The following AFDN variants were observed in gnomAD, a reference collection of about 807,000 sequenced individuals.
AFDN encodes afadin, adherens junction formation factor, also known as afadin.
A neutral mutation model predicts 216.6 loss-of-function variants in AFDN; 68 were observed. The observed-to-expected ratio is 0.31, with a 90% CI of 0.26 to 0.38. The LOEUF is 0.38. Ranked by LOEUF, AFDN falls within the 10% of genes least tolerant of loss-of-function variation. The pLI is 1.00. For synonymous variants in AFDN, 868 were observed against 853.7 expected, an observed-to-expected ratio of 1.02 and a Z score of -0.29; for missense variants, 2,136 against 2,342.0, an observed-to-expected ratio of 0.91 and a Z score of 1.82.
chr6:167,849,320 G>T (rs1562548289), intron 1 of AFDN, among the ~76,000 whole-genome samples: 1 of 152,042 alleles, frequency 6.6e-6, no homozygotes, highest in Non-Finnish European at 1.5e-5. Flanking sequence ...CTTGTGGGGG[G>T]GGAGAGATTT....
At chr6:167,954,604 C>A in intron 30 of AFDN, 1 of 814,928 alleles carries the variant, frequency 1.2e-6, no homozygotes, top group Non-Finnish European at 1.9e-6. Context: ...TAGGGGTGTC[C>A]TCCATCAGGA....
chr6:167,947,175 A>AT (rs75948172), intron 27 of AFDN, among the ~76,000 whole-genome samples: 2,814 of 146,622 alleles, frequency 0.019, 47 homozygotes, highest in Non-Finnish European at 0.032. Flanking sequence ...TATGTTTTAC[A>AT]TTTTTTTTTT....
intron 19 of AFDN, 72 bp from the exon 20 acceptor site, chr6:167,917,014 ATAT>A: frequency 7.6e-7 from 1 of 1,308,796 alleles, no homozygotes; most frequent in Non-Finnish European, 1.0e-6. Flanking sequence ...ATTTTTATAA[ATAT>A]TACATAAAGG....
rs759098315 is a variant in AFDN at position 167,890,900 on chromosome 6, C to T, written c.1048C>T (p.His350Tyr). The change falls in exon 8 of 34, where the codon CAC becomes TAC. Residue 350 changes from histidine to tyrosine, a missense_variant. Physicochemically the swap from His to Tyr is moderately conservative, Grantham distance 83. Transcript: ENST00000683244. ...TCAGTTGAAGAGGAGGCCACCAGACCACATCCCAAAGAAAACCAAGAAACA... is the reference window on the plus strand; with the variant it reads ...TCAGTTGAAGAGGAGGCCACCAGACTACATCCCAAAGAAAACCAAGAAACA... ...VFQLKRRPPD[H>Y]IPKKTKKHLE... The T allele has an allele frequency of 5.6e-6, 9 of 1,613,522 alleles. No individual in the cohort carries two copies. Among genetic ancestry groups the T allele is most frequent in the Non-Finnish European group, 7.6e-6 (9 of 1,179,784 alleles).
intron 26 of AFDN, among the ~76,000 whole-genome samples, chr6:167,946,184 G>C (rs1319947528): frequency 2.0e-5 from 3 of 152,194 alleles, no homozygotes; most frequent in Non-Finnish European, 4.4e-5. Context: ...TTAGTTAGTG[G>C]TCATTTAAAA....
chr6:167,952,592 C>A, intron 30 of AFDN: 1 of 695,986 alleles, frequency 1.4e-6, no homozygotes, highest in Non-Finnish European at 1.8e-6. Flanking sequence ...GGGTCTCTGG[C>A]AACCCCCAGC....
rs558047565 is a variant in AFDN, at chr6:167,837,230, T to C, written c.105+9993T>C. Among the ~76,000 whole-genome samples the C allele has an allele frequency of 7.8e-4, 119 of 152,318 alleles. 2 individuals are homozygous for C. The highest frequency in any genetic ancestry group is 1.1e-3 in the Non-Finnish European group (72 of 68,018). The stretch of plus-strand genomic sequence containing the variant: ...GATTAGACATGAAGGAGCTAGTATG[T>C]TTGCTTCACTATAGTAAGATACATT... On this transcript the variant is annotated intron_variant, in intron 1 of 33. Transcript: ENST00000683244.
At chr6:167,906,208 A>G (rs1789666601) in intron 12 of AFDN, among the ~76,000 whole-genome samples, 1 of 152,236 alleles carries the variant, frequency 6.6e-6, no homozygotes, top group African/African-American at 2.4e-5. Context: ...AACATTTTAA[A>G]TGATGTAATA....
At chr6:167,909,479 T>G (rs1790120219) in intron 13 of AFDN, among the ~76,000 whole-genome samples, 1 of 152,142 alleles carries the variant, frequency 6.6e-6, no homozygotes, top group Non-Finnish European at 1.5e-5. Flanking sequence ...TTCCTTTTTA[T>G]TTTTGAAGGA....
Position 167,951,670 on chromosome 6 carries a change from G to C in AFDN, c.4316G>C (p.Arg1439Thr). 1 of 1,613,920 alleles carries C rather than the reference G, an allele frequency of 6.2e-7. No individual in the cohort carries two copies. Among genetic ancestry groups the C allele is most frequent in the Non-Finnish European group, 8.5e-7 (1 of 1,179,922 alleles). ...GCCCGCCTGGAGGAGGAGCGGGAGA[G>C]GAAGCGGAGAGAGCAGGAGAGGAAG... ...EKARLEEERE[R>T]KRREQERKLG... Residue 1439 changes from arginine to threonine, a missense_variant, in exon 30 of 34, where the codon AGG (arginine) becomes ACG (threonine). Around this residue, in one of 8 missense-constraint regions of AFDN, gnomAD observed 981 missense variants for 966.0 expected, o/e 1.02. Coordinates refer to ENST00000683244, the MANE Select transcript of AFDN (RefSeq NM_001386888.1). The surrounding 1 kb of genome is among the most constrained non-coding windows in gnomAD (Gnocchi z 7.1).
intron 1 of AFDN, among the ~76,000 whole-genome samples, chr6:167,847,522 G>A (rs1306930057): frequency 6.6e-6 from 1 of 152,142 alleles, no homozygotes; most frequent in East Asian, 1.9e-4. Flanking sequence ...TTAGTGAACA[G>A]CAGCTCACTT....
rs529307812 is a variant in AFDN at position 167,914,189 on chromosome 6, G to C, written c.2080G>C (p.Ala694Pro). The C allele has an allele frequency of 6.2e-7, 1 of 1,614,060 alleles. No homozygotes were observed. Among genetic ancestry groups the C allele is most frequent in the African/African-American group, 1.3e-5 (1 of 75,040 alleles). Residue 694 changes from alanine (A) to proline (P), a missense_variant, in exon 17 of 34, where the codon GCA becomes CCA. Ala to Pro is a conservative substitution (Grantham distance 27, BLOSUM62 -1). Around this residue, in one of 8 missense-constraint regions of AFDN, gnomAD observed 817 missense variants for 965.7 expected, o/e 0.85. Transcript: ENST00000683244. ...VDQKQKNIAG[A>P]LAFWMANASE... ...ACAGAAACAGAAGAATATTGCAGGG[G>C]CACTTGCCTTCTGGATGGCAAATGC... is the stretch of plus-strand genomic sequence containing the variant.
intron 25 of AFDN, 79 bp downstream of exon 25, chr6:167,943,554 TA>T: frequency 8.6e-7 from 1 of 1,164,394 alleles, no homozygotes; most frequent in Non-Finnish European, 1.3e-6. Flanking sequence ...AATTGGAAGA[TA>T]AAAACTATGC....
intron 15 of AFDN, 160 bp downstream of exon 15, chr6:167,911,649 TGAAAG>T (rs2128456852): frequency 3.1e-6 from 2 of 651,000 alleles, no homozygotes; most frequent in East Asian, 2.7e-5. Context: ...TTTAAAGAGT[TGAAAG>T]GAAATGCAAG....
chr6:167,880,881 C>A (rs1314525233), intron 6 of AFDN, among the ~76,000 whole-genome samples: 2 of 152,074 alleles, frequency 1.3e-5, no homozygotes, highest in Non-Finnish European at 1.5e-5. Context: ...ATTTATAAGT[C>A]TAAAATTATG....
Position 167,907,246 on chromosome 6 carries a change from A to G in AFDN, c.1726A>G (p.Ile576Val). ...CGAGCGGGGAATGGTGAAGCCGATG[A>G]TCAGAGTAGAACAGCAGCCAGATTA... ...TAERGMVKPM[I>V]RVEQQPDYRR... is the part of the protein sequence containing the mutation. Residue 576 changes from isoleucine (I) to valine (V), a missense_variant, in exon 13 of 34, where the codon ATC becomes GTC. Around this residue, in one of 8 missense-constraint regions of AFDN, gnomAD observed 817 missense variants for 965.7 expected, o/e 0.85. Coordinates refer to ENST00000683244, the MANE Select transcript of AFDN (RefSeq NM_001386888.1). The G allele has an allele frequency of 1.9e-6, 3 of 1,614,214 alleles. No individual in the cohort carries two copies. The South Asian group carries it at 3.3e-5, about 18-fold the overall frequency.
At chr6:167,895,974 G>A (rs1235991220) in intron 9 of AFDN, among the ~76,000 whole-genome samples, 2 of 152,106 alleles carry the variant, frequency 1.3e-5, no homozygotes, top group Non-Finnish European at 2.9e-5. Flanking sequence ...CATCATTCAT[G>A]GGTTCTGGAA....
intron 23 of AFDN, among the ~76,000 whole-genome samples, chr6:167,930,723 C>T (rs1583451928): frequency 6.6e-6 from 1 of 152,150 alleles, no homozygotes; most frequent in Admixed American, 6.5e-5. Context: ...ATCATGGCAG[C>T]CACAGGGCAG....
At chr6:167,834,678 A>G (rs772333643) in intron 1 of AFDN, among the ~76,000 whole-genome samples, 1 of 151,912 alleles carries the variant, frequency 6.6e-6, no homozygotes, top group South Asian at 2.1e-4. Flanking sequence ...CCTTTGGAAG[A>G]TTCTTTTAAA....
Sources: allele counts gnomAD v4.1 joint callset (sites outside exome capture counted in the v4.1 genomes callset), GRCh38; gene constraint gnomAD v4.1.1; regional missense constraint gnomAD v4.1.1; non-coding constraint Gnocchi (gnomAD v3.1); transcripts MANE v1.5; gene names NCBI Gene and HGNC (gene_info 2026-07-23, HGNC 2026-07-21).